The following MARK4 variants were observed in gnomAD, a reference collection of about 807,000 sequenced individuals.
MARK4 encodes microtubule affinity regulating kinase 4.
Under a neutral mutation model 81.5 loss-of-function variants are expected in MARK4, and 19 were observed. The ratio of observed to expected loss-of-function variants is 0.23; its 90% CI spans 0.16 to 0.34. The LOEUF (loss-of-function observed/expected upper bound fraction) is 0.34. MARK4 is among the 10% of genes least tolerant of loss of function. The pLI is 1.00. For missense variants in MARK4, 772 were observed against 1,058.8 expected, an observed-to-expected ratio of 0.73 and a Z score of 3.76; for synonymous variants, 436 against 439.0, an observed-to-expected ratio of 0.99 and a Z score of 0.08.
chr19:45,258,036 A>G (rs926019101), intron 1 of MARK4, among the ~76,000 whole-genome samples: 3 of 142,386 alleles, frequency 2.1e-5, no homozygotes, highest in Non-Finnish European at 3.0e-5. Flanking sequence ...CTCTGGCTAG[A>G]GTGCAGTAGA....
At chr19:45,281,600 C>G (rs1255049793) in intron 12 of MARK4, among the ~76,000 whole-genome samples, 1 of 151,866 alleles carries the variant, frequency 6.6e-6, no homozygotes, top group Non-Finnish European at 1.5e-5. Flanking sequence ...ACCTCATGAT[C>G]CACCCACCTC....
chr19:45,276,473 A>C (rs530472206), intron 8 of MARK4, among the ~76,000 whole-genome samples: 28 of 152,096 alleles, frequency 1.8e-4, no homozygotes, highest in Non-Finnish European at 3.5e-4. Context: ...GGCCTTGAGG[A>C]GTGTGTCTCT....
chr19:45,268,716 AC>A (rs151097416), intron 7 of MARK4, among the ~76,000 whole-genome samples: 3,397 of 152,200 alleles, frequency 0.022, 55 homozygotes, highest in Non-Finnish European at 0.035. Flanking sequence ...CTGCATTCCA[AC>A]CTGGGTAACA....
chr19:45,263,413 T>TG, intron 4 of MARK4, 46 bp downstream of exon 4: 2 of 1,611,960 alleles, frequency 1.2e-6, no homozygotes, highest in Non-Finnish European at 8.5e-7. Context: ...CTGGAACACT[T>TG]GCAAAGGAGT....
At chr19:45,268,592 A>AG (rs1970485633) in intron 7 of MARK4, among the ~76,000 whole-genome samples, 1 of 151,716 alleles carries the variant, frequency 6.6e-6, no homozygotes. Flanking sequence ...TCAAAAAAAA[A>AG]AAAAAGAAAA....
At chr19:45,281,543 TAG>T (rs1053616350) in intron 12 of MARK4, among the ~76,000 whole-genome samples, 2 of 151,798 alleles carry the variant, frequency 1.3e-5, no homozygotes, top group Non-Finnish European at 2.9e-5. Flanking sequence ...GTATTTTTAG[TAG>T]AGACAGGGTT....
intron 8 of MARK4, among the ~76,000 whole-genome samples, chr19:45,272,113 C>G (rs1432033373): frequency 6.6e-6 from 1 of 152,154 alleles, no homozygotes; most frequent in East Asian, 1.9e-4. Context: ...GGGAGGCTCA[C>G]TTGAGCCTGG....
At chr19:45,274,077 G>T (rs972551222) in intron 8 of MARK4, among the ~76,000 whole-genome samples, 1 of 151,506 alleles carries the variant, frequency 6.6e-6, no homozygotes, top group Non-Finnish European at 1.5e-5. Flanking sequence ...CTGAAACCCC[G>T]TCTCTTCTAA....
intron 12 of MARK4, among the ~76,000 whole-genome samples, chr19:45,286,904 C>G (rs1254272452): frequency 6.6e-6 from 1 of 152,118 alleles, no homozygotes; most frequent in Non-Finnish European, 1.5e-5. Context: ...TTTCTACTTT[C>G]CAGTCCGTCA....
rs1970909531 is a variant in MARK4 at position 45,297,882 on chromosome 19, C to T, written c.1805C>T (p.Ala602Val). 6.5e-7 allele frequency: 1 copy of T among 1,549,784 alleles called. No individual in the cohort carries two copies. Among genetic ancestry groups the T allele is most frequent in the Non-Finnish European group, 8.7e-7 (1 of 1,146,722 alleles). The change falls in exon 15 of 17, where the codon GCA (alanine) becomes GTA (valine). Residue 602 changes from alanine (A) to valine (V), a missense_variant. Coordinates refer to ENST00000262891, the MANE Select transcript of MARK4 (RefSeq NM_001199867.2). ...TCTCCCACACTGGCCCATGAGGCTG[C>T]ACCCCTGCCCGCCGGGCGGCCCCGC... is the stretch of plus-strand genomic sequence containing the variant. The part of the protein sequence containing the change: ...PASPTLAHEA[A>V]PLPAGRPRPT...
rs1474852565 is a variant in MARK4, at chr19:45,271,791, G to A, written c.786+83G>A. 9 of 1,322,782 alleles carry A rather than the reference G, an allele frequency of 6.8e-6. No individual in the cohort carries two copies. The East Asian group carries it at 1.6e-4, about 24-fold the overall frequency. The allele number at this position is 1,322,782 out of a possible 1,614,324, so 81.9% of individuals were successfully genotyped here. A position where few individuals can be genotyped will look rare whatever the true frequency, so the allele number is the denominator to read the frequency against. The stretch of plus-strand genomic sequence containing the variant: ...CCCCCCCACACCTCCCCTGCAGAGG[G>A]CCTCAGTGGTGGGACTGGCCTGAGT... On this transcript the variant is annotated intron_variant, in intron 8 of 16. Coordinates refer to ENST00000262891, the MANE Select transcript of MARK4 (RefSeq NM_001199867.2). This position sits in a 1 kb window ranked among gnomAD's most constrained non-coding sequence, Gnocchi z 4.1.
chr19:45,260,285 G>A (rs1970364325), intron 2 of MARK4, among the ~76,000 whole-genome samples: 1 of 150,532 alleles, frequency 6.6e-6, no homozygotes, highest in African/African-American at 2.4e-5. Flanking sequence ...AGCTACTTGG[G>A]AGGCTGAGGC....
At chr19:45,259,330 A>G in intron 2 of MARK4, 141 bp downstream of exon 2, 5 of 866,604 alleles carry the variant, frequency 5.8e-6, no homozygotes, top group Non-Finnish European at 8.7e-6. Context: ...GACAGGTCAC[A>G]ATATCTCTGA....
chr19:45,279,995 G>A, intron 10 of MARK4: 1 of 199,806 alleles, frequency 5.0e-6, no homozygotes, highest in East Asian at 1.3e-4. Flanking sequence ...ATGTGCTGTT[G>A]GGAAGGGAGG....
intron 7 of MARK4, among the ~76,000 whole-genome samples, chr19:45,267,988 G>T (rs1970477669): frequency 6.6e-6 from 1 of 151,890 alleles, no homozygotes; most frequent in African/African-American, 2.4e-5. Context: ...TAGAGACGGG[G>T]TTTCACCACG....
rs1198664288 is a variant in MARK4 at position 45,251,636 on chromosome 19, C to T, written c.48C>T (p.Asp16=). 7 of 1,503,684 alleles carry T rather than the reference C, an allele frequency of 4.7e-6. No homozygotes were observed. The highest frequency in any genetic ancestry group is 4.5e-5 in the Admixed American group (2 of 44,400). 93.1% of individuals were successfully genotyped at this position (1,503,684 alleles called of 1,614,324 possible). The part of the protein sequence containing the change: ...VLAPGNDRNS[D]THGTLGSGRS... ...CCCCGGGCAACGATCGGAACTCGGA[C>T]ACGGTGAGTGGGGCCCGGCCCCTTG... The change falls in exon 1 of 17, where the codon GAC becomes GAT. Residue 16 remains aspartate, a synonymous_variant. Coordinates refer to ENST00000262891, the MANE Select transcript of MARK4 (RefSeq NM_001199867.2).
At chr19:45,253,209 A>G (rs1338263914) in intron 1 of MARK4, among the ~76,000 whole-genome samples, 2 of 147,112 alleles carry the variant, frequency 1.4e-5, no homozygotes, top group African/African-American at 5.0e-5. Context: ...ACACCATCAG[A>G]GAGATTTATA....
intron 8 of MARK4, 136 bp from the exon 9 acceptor site, chr19:45,277,787 C>T (rs1198058289): frequency 1.9e-6 from 2 of 1,039,852 alleles, no homozygotes; most frequent in South Asian, 2.0e-5. Context: ...GGACTCAGAG[C>T]TTCTGTCACT....
intron 1 of MARK4, among the ~76,000 whole-genome samples, chr19:45,258,698 C>T (rs1970341204): frequency 2.0e-5 from 3 of 149,258 alleles, no homozygotes; most frequent in South Asian, 2.1e-4. Flanking sequence ...AGACTCCATC[C>T]GAAGGAAAAA....
Sources: gnomAD v4.1 joint callset for allele counts (sites outside exome capture counted in the v4.1 genomes callset) on GRCh38, gnomAD v4.1.1 for gene constraint, Gnocchi (gnomAD v3.1) non-coding constraint, MANE v1.5 for transcripts, NCBI Gene and HGNC (gene_info 2026-07-23, HGNC 2026-07-21) for gene names.